The following DYNC1I1 variants were observed in gnomAD, a reference collection of about 807,000 sequenced individuals.
DYNC1I1 encodes the protein cytoplasmic dynein 1 intermediate chain 1.
A neutral mutation model predicts 86.6 loss-of-function variants in DYNC1I1; 43 were observed. The observed-to-expected ratio is 0.50, with a 90% CI of 0.39 to 0.64. The LOEUF is 0.64. Ranked by LOEUF, DYNC1I1 falls within the 30% of genes least tolerant of loss-of-function variation. The probability of loss-of-function intolerance (pLI) is 0.00; values close to 1 mark genes in which losing one functional copy is unlikely to be tolerated. For synonymous variants in DYNC1I1, 262 were observed against 283.7 expected (o/e 0.92, Z 0.77); for missense variants, 604 against 788.8 (o/e 0.77, Z 2.81).
chr7:95,833,062 G>A (rs1287657254), intron 5 of DYNC1I1, among the ~76,000 whole-genome samples: 3 of 148,884 alleles, frequency 2.0e-5, no homozygotes, highest in Non-Finnish European at 4.4e-5. Flanking sequence ...TGTCCTGAAT[G>A]GTATTGCCTA....
intron 6 of DYNC1I1, among the ~76,000 whole-genome samples, chr7:95,970,802 A>G (rs879399285): frequency 6.6e-6 from 1 of 152,206 alleles, no homozygotes; most frequent in Admixed American, 6.5e-5. Context: ...CAAAAAACTA[A>G]TTTTACACGG....
chr7:95,979,620 T>C (rs1028741467), intron 7 of DYNC1I1, among the ~76,000 whole-genome samples: 2 of 152,202 alleles, frequency 1.3e-5, no homozygotes, highest in Non-Finnish European at 1.5e-5. Context: ...GAACTTTCAA[T>C]AGAGATGCAA....
chr7:96,070,344 T>C (rs1036553792), intron 14 of DYNC1I1, among the ~76,000 whole-genome samples: 5 of 152,146 alleles, frequency 3.3e-5, no homozygotes, highest in Admixed American at 6.5e-5. Context: ...GCCTGAAGTT[T>C]TGGGGTCCTT....
chr7:95,980,539 T>A (rs74780075), intron 7 of DYNC1I1, among the ~76,000 whole-genome samples: 1 of 136,724 alleles, frequency 7.3e-6, no homozygotes. Context: ...AATCTGGCTT[T>A]TTTTTTTTTT....
chr7:95,940,727 C>G (rs1792187352), intron 6 of DYNC1I1, among the ~76,000 whole-genome samples: 1 of 152,202 alleles, frequency 6.6e-6, no homozygotes, highest in Non-Finnish European at 1.5e-5. Context: ...TTTTCAACTT[C>G]TTTGCCTTTG....
chr7:95,900,444 A>C (rs1003277326), intron 6 of DYNC1I1, among the ~76,000 whole-genome samples: 1 of 152,116 alleles, frequency 6.6e-6, no homozygotes, highest in Non-Finnish European at 1.5e-5. Context: ...TATACACATT[A>C]CTTTAGAAAG....
intron 10 of DYNC1I1, among the ~76,000 whole-genome samples, chr7:96,016,912 A>C (rs1219600136): frequency 6.6e-6 from 1 of 152,172 alleles, no homozygotes; most frequent in Admixed American, 6.5e-5. Context: ...AATTTAGAGA[A>C]GTCGTGTGGC....
rs2629058 is a variant in DYNC1I1 at position 95,784,260 on chromosome 7, A to T, written c.-10+11487A>T. The stretch of plus-strand genomic sequence containing the variant: ...TTCCTAACTCCCCTGTTCCCACCCC[A>T]GCACTTCAAAGTCATGTTAAATTAA... On this transcript the variant is annotated intron_variant, in intron 1 of 16. Transcript: ENST00000447467. Among the ~76,000 whole-genome samples, 260 of 152,326 alleles carry T rather than the reference A, an allele frequency of 1.7e-3. 2 individuals carry two copies. The highest frequency in any genetic ancestry group is 6.0e-3 in the African/African-American group (250 of 41,576).
chr7:95,814,857 G>A (rs1004583258), intron 4 of DYNC1I1, among the ~76,000 whole-genome samples: 7 of 152,082 alleles, frequency 4.6e-5, no homozygotes, highest in African/African-American at 1.7e-4. Flanking sequence ...GTGATTTGGG[G>A]CAGCACATGT....
chr7:95,798,644 T>G (rs1203732579), intron 1 of DYNC1I1, among the ~76,000 whole-genome samples: 1 of 152,170 alleles, frequency 6.6e-6, no homozygotes, highest in Non-Finnish European at 1.5e-5. Flanking sequence ...ACTTTAAGCT[T>G]AAAAATACAT....
intron 14 of DYNC1I1, among the ~76,000 whole-genome samples, chr7:96,064,227 T>C (rs1789885697): frequency 6.6e-6 from 1 of 151,674 alleles, no homozygotes; most frequent in Admixed American, 6.6e-5. Flanking sequence ...TCTCTCTCTC[T>C]CTCTCTCTCT....
chr7:95,875,401 AG>A (rs1482079483), intron 6 of DYNC1I1, among the ~76,000 whole-genome samples: 1 of 152,230 alleles, frequency 6.6e-6, no homozygotes, highest in East Asian at 1.9e-4. Context: ...GAGAGAATGC[AG>A]TTCCTTTATT....
chr7:96,084,446 T>TC (rs1444346852), intron 16 of DYNC1I1, among the ~76,000 whole-genome samples: 1 of 147,334 alleles, frequency 6.8e-6, no homozygotes, highest in East Asian at 1.9e-4. Context: ...TCTTTTCTTT[T>TC]TTTTTTTTTT....
intron 6 of DYNC1I1, among the ~76,000 whole-genome samples, chr7:95,942,367 G>A (rs933592547): frequency 2.6e-5 from 4 of 152,182 alleles, no homozygotes; most frequent in Non-Finnish European, 4.4e-5. Context: ...CTCTGAAATT[G>A]TGGCTTTAAT....
rs948350676 is a variant in DYNC1I1, at chr7:95,813,391, A to AC, written c.314+54_314+55insC. 25 of 1,562,978 alleles carry AC rather than the reference A, an allele frequency of 1.6e-5. No homozygotes were observed. The African/African-American group carries it at 2.2e-4, about 14-fold the overall frequency. The stretch of plus-strand genomic sequence containing the variant: ...ATGGGTGTCAATTAAAAAAAAAAAA[A>AC]AACAGCAACAACACCACTGTTAGAA... On this transcript the variant is annotated intron_variant, in intron 4 of 16. Transcript: ENST00000447467.
At chr7:95,836,668 T>G (rs1411063596) in intron 5 of DYNC1I1, among the ~76,000 whole-genome samples, 2 of 152,100 alleles carry the variant, frequency 1.3e-5, no homozygotes, top group African/African-American at 4.8e-5. Flanking sequence ...TGCTCATTTC[T>G]TTTTATTCTT....
At chr7:95,999,474 T>A (rs1171025700) in intron 10 of DYNC1I1, among the ~76,000 whole-genome samples, 1 of 152,140 alleles carries the variant, frequency 6.6e-6, no homozygotes, top group Non-Finnish European at 1.5e-5. Context: ...AGTGGGGTAA[T>A]ATCAGCTAAC....
intron 16 of DYNC1I1, among the ~76,000 whole-genome samples, chr7:96,108,720 G>A (rs1159646245): frequency 1.3e-5 from 2 of 151,858 alleles, no homozygotes; most frequent in African/African-American, 4.8e-5. Context: ...AAATTAACCG[G>A]GTGTGGTGGT....
chr7:96,066,350 C>T (rs1334402201), intron 14 of DYNC1I1, among the ~76,000 whole-genome samples: 1 of 152,224 alleles, frequency 6.6e-6, no homozygotes, highest in African/African-American at 2.4e-5. Flanking sequence ...ACCACTACCA[C>T]CCCCAATCTT....
Sources: gnomAD v4.1 joint callset for allele counts (sites outside exome capture counted in the v4.1 genomes callset) on GRCh38, gnomAD v4.1.1 for gene constraint, MANE v1.5 for transcripts, NCBI Gene and HGNC (gene_info 2026-07-23, HGNC 2026-07-21) for gene names.